VWA1: variants seen among roughly 807,000 people sequenced by gnomAD.
The protein encoded by VWA1 is von Willebrand factor A domain containing 1.
In VWA1, 12 loss-of-function variants were observed where a neutral mutation model predicts 14.9. The ratio of observed to expected loss-of-function variants is 0.80; its 90% confidence interval spans 0.52 to 1.30. VWA1 has a LOEUF of 1.30. Ranked by LOEUF, VWA1 falls within the 50% of genes most tolerant of loss-of-function variation. VWA1 has a pLI of 0.00. For missense variants in VWA1, 800 were observed against 649.1 expected, an observed-to-expected ratio of 1.23 and a Z score of -2.53; for synonymous variants, 368 against 310.7, an observed-to-expected ratio of 1.18 and a Z score of -1.94.
chr1:1,439,732 GCCCACGC>G lies in VWA1; in HGVS notation c.1287_1293del (p.Arg430CysfsTer107), dbSNP rs1306891647. ...TGCACGCCCGACGGCCCGCGCCCGCGCCCACGCCCCGTGCCCCGCGCCCCGACCCCGG... is the reference window on the plus strand; with the variant it reads ...TGCACGCCCGACGGCCCGCGCCCGCGCCCGTGCCCCGCGCCCCGACCCCGG... On this transcript the variant is annotated frameshift_variant, in exon 3 of 3. Transcript: ENST00000476993. LOFTEE classifies it low-confidence loss of function (END_TRUNC). 4 of 1,117,454 alleles carry G rather than the reference GCCCACGC, an allele frequency of 3.6e-6. No homozygotes were observed. Among genetic ancestry groups the G allele is most frequent in the African/African-American group, 3.4e-5 (2 of 58,688 alleles). 69.2% of individuals were successfully genotyped at this position (1,117,454 alleles called of 1,614,324 possible). A position where few individuals can be genotyped will look rare whatever the true frequency, so the allele number is the denominator to read the frequency against.
intron 2 of VWA1, 45 bp downstream of exon 2, chr1:1,437,529 G>C: frequency 6.4e-7 from 1 of 1,559,112 alleles, no homozygotes. Flanking sequence ...GCTGGGAGCC[G>C]CAGAAGGAGA....
chr1:1,440,775 T>A lies in VWA1; in HGVS notation c.*988T>A, dbSNP rs1638654278. 1 of 158,090 alleles carries A rather than the reference T, an allele frequency of 6.3e-6. No individual in the cohort carries two copies. Among genetic ancestry groups the A allele is most frequent in the African/African-American group, 2.4e-5 (1 of 41,450 alleles). The allele number at this position is 158,090 out of a possible 1,614,324, so 9.8% of individuals were successfully genotyped here. A position where few individuals can be genotyped will look rare whatever the true frequency, so the allele number is the denominator to read the frequency against. On this transcript the variant is annotated 3_prime_UTR_variant, in exon 3 of 3. Coordinates refer to ENST00000476993, the MANE Select transcript of VWA1 (RefSeq NM_022834.5). ...AATCAGATGTACACCGAGCCTGCAG[T>A]CTCGCTAGGATGCTTTACTCCTCCA...
chr1:1,437,322 G>A lies in VWA1; in HGVS notation c.469G>A (p.Glu157Lys), dbSNP rs766513431. 3.2e-5 allele frequency: 52 copies of A among 1,611,958 alleles called. No individual in the cohort carries two copies. Among genetic ancestry groups the A allele is most frequent in the Non-Finnish European group, 4.2e-5 (50 of 1,179,710 alleles). The change falls in exon 2 of 3, where the codon GAG becomes AAG. Residue 157 changes from glutamate to lysine, a missense_variant. Coordinates refer to ENST00000476993, the MANE Select transcript of VWA1 (RefSeq NM_022834.5). ...SSDPVGPPMQ[E>K]LKDLGVTVFI... ...CGACCCTGTGGGCCCCCCCATGCAGGAGCTCAAGGACCTGGGCGTCACCGT... is the reference window on the plus strand; with the variant it reads ...CGACCCTGTGGGCCCCCCCATGCAGAAGCTCAAGGACCTGGGCGTCACCGT...
Position 1,440,142 on chromosome 1 carries a change from G to A in VWA1, c.*355G>A, listed in dbSNP as rs1408943428. On this transcript the variant is annotated 3_prime_UTR_variant, in exon 3 of 3. Coordinates refer to ENST00000476993, the MANE Select transcript of VWA1 (RefSeq NM_022834.5). ...GTGAAGACCGGGCCCCAAGTGGCAAGGGCTGGCCTGGGGCGGGCAGCTTGG... is the reference window on the plus strand; with the variant it reads ...GTGAAGACCGGGCCCCAAGTGGCAAAGGCTGGCCTGGGGCGGGCAGCTTGG... 1 of 168,812 alleles carries A rather than the reference G, an allele frequency of 5.9e-6. No homozygotes were observed. Among genetic ancestry groups the A allele is most frequent in the African/African-American group, 2.4e-5 (1 of 41,520 alleles). 10.5% of individuals were successfully genotyped at this position (168,812 alleles called of 1,614,324 possible).
chr1:1,437,624 G>C (rs563950652), intron 2 of VWA1, 140 bp downstream of exon 2: 3 of 1,050,118 alleles, frequency 2.9e-6, no homozygotes, highest in African/African-American at 1.6e-5. Flanking sequence ...AGGGTGCAGG[G>C]CTGAGTGATG....
At position 1,439,062 on chromosome 1, in the gene VWA1, C is replaced by A; in HGVS notation, c.632-19C>A. On this transcript the variant is annotated intron_variant, in intron 2 of 2. Coordinates refer to ENST00000476993, the MANE Select transcript of VWA1 (RefSeq NM_022834.5). ...GGAGGAACTGACCGCTGTTCCCTGACCCCCTGCACCACCCACAGACGCGAT... is the reference window on the plus strand; with the variant it reads ...GGAGGAACTGACCGCTGTTCCCTGAACCCCTGCACCACCCACAGACGCGAT... 6.3e-7 allele frequency: 1 copy of A among 1,594,268 alleles called. No homozygotes were observed. The highest frequency in any genetic ancestry group is 8.5e-7 in the Non-Finnish European group (1 of 1,177,798).
At position 1,439,765 on chromosome 1, in the gene VWA1, G is replaced by C. The variant is rs1638624587; in HGVS notation, c.1316G>C (p.Gly439Ala). ...CCCGTGCCCCGCGCCCCGACCCCGG[G>C]GACCGCCAGCCGTGAGCCGTAAGCC... ...PRPVPRAPTP[G>A]TASREP The change falls in exon 3 of 3, where the codon GGG becomes GCG. Residue 439 changes from glycine (G) to alanine (A), a missense_variant. Gly to Ala is a moderately conservative substitution (Grantham distance 60, BLOSUM62 0). Transcript: ENST00000476993. 1.8e-6 allele frequency: 2 copies of C among 1,085,348 alleles called. No homozygotes were observed. Among genetic ancestry groups the C allele is most frequent in the East Asian group, 6.1e-5 (1 of 16,264 alleles). The allele number at this position is 1,085,348 out of a possible 1,614,324, so 67.2% of individuals were successfully genotyped here.
Position 1,435,715 on chromosome 1 carries a change from C to A in VWA1, c.-34C>A. ...AGCCCCGAGCGAGCGAGCGAGCGAG[C>A]GAGTTGCCGAGCGCGCCCCGTCCCT... is the stretch of plus-strand genomic sequence containing the variant. On this transcript the variant is annotated 5_prime_UTR_variant, in exon 1 of 3. Transcript: ENST00000476993. 8.4e-7 allele frequency: 1 copy of A among 1,184,172 alleles called. No individual in the cohort carries two copies. 73.4% of individuals were successfully genotyped at this position (1,184,172 alleles called of 1,614,324 possible).
At position 1,435,753 on chromosome 1, in the gene VWA1, T is replaced by A; in HGVS notation, c.5T>A (p.Leu2His). 1 of 1,205,554 alleles carries A rather than the reference T, an allele frequency of 8.3e-7. No individual in the cohort carries two copies. Among genetic ancestry groups the A allele is most frequent in the Non-Finnish European group, 1.0e-6 (1 of 966,828 alleles). 74.7% of individuals were successfully genotyped at this position (1,205,554 alleles called of 1,614,324 possible). Residue 2 changes from leucine to histidine, a missense_variant, in exon 1 of 3, where the codon CTC becomes CAC. By Grantham distance (99) the Leu-to-His change is moderately conservative. Transcript: ENST00000476993. The stretch of plus-strand genomic sequence containing the variant: ...GCGCCCCGTCCCTCGCGCGCGATGC[T>A]CCCCTGGACGGCGCTCGGCCTGGCC... M[L>H]PWTALGLALS... is the part of the protein sequence containing the mutation.
intron 1 of VWA1, 65 bp downstream of exon 1, chr1:1,435,886 C>G: frequency 2.1e-6 from 2 of 958,578 alleles, no homozygotes; most frequent in Non-Finnish European, 2.5e-6. Flanking sequence ...CCGCTGCCCG[C>G]GCAAGGCCGT....
rs538336094 is a variant in VWA1 at position 1,441,066 on chromosome 1, C to A, written c.*1279C>A. The A allele has an allele frequency of 6.6e-6, 1 of 152,184 alleles. No homozygotes were observed. The highest frequency in any genetic ancestry group is 6.5e-5 in the Admixed American group (1 of 15,284). The allele number at this position is 152,184 out of a possible 1,614,324, so 9.4% of individuals were successfully genotyped here. ...CCGGAGCCCTGGGCCCAGGGCCACG[C>A]GGGCTCCCTCTGCTGGCAAAGCCAC... is the stretch of plus-strand genomic sequence containing the variant. On this transcript the variant is annotated 3_prime_UTR_variant, in exon 3 of 3. Transcript: ENST00000476993.
At chr1:1,435,867 C>A in intron 1 of VWA1, 46 bp downstream of exon 1, 1 of 1,047,548 alleles carries the variant, frequency 9.5e-7, no homozygotes, top group South Asian at 4.3e-5. Context: ...TTCTGGTGAC[C>A]GCTCTGCGCC....
chr1:1,439,917 AC>A lies in VWA1; in HGVS notation c.*134del. Reference sequence around the variant, plus strand: ...CCTTTCCCCACGCGGACTCCGCGCGACCCCGGCCCTCTCCCTGCGGCCGCAG... The same window carrying A: ...CCTTTCCCCACGCGGACTCCGCGCGACCCGGCCCTCTCCCTGCGGCCGCAG... On this transcript the variant is annotated 3_prime_UTR_variant, in exon 3 of 3. Coordinates refer to ENST00000476993, the MANE Select transcript of VWA1 (RefSeq NM_022834.5). 1.0e-6 allele frequency: 1 copy of A among 991,448 alleles called. No individual in the cohort carries two copies. Among genetic ancestry groups the A allele is most frequent in the Non-Finnish European group, 1.2e-6 (1 of 825,524 alleles). 61.4% of individuals were successfully genotyped at this position (991,448 alleles called of 1,614,324 possible). A position where few individuals can be genotyped will look rare whatever the true frequency, so the allele number is the denominator to read the frequency against.
Position 1,439,953 on chromosome 1 carries a change from G to A in VWA1, c.*166G>A, listed in dbSNP as rs1254735752. ...CTCCCTGCGGCCGCAGGGCTTCCCCGCCTGGCGCCTGCCCTCCAGGGCTGG... is the reference window on the plus strand; with the variant it reads ...CTCCCTGCGGCCGCAGGGCTTCCCCACCTGGCGCCTGCCCTCCAGGGCTGG... On this transcript the variant is annotated 3_prime_UTR_variant, in exon 3 of 3. Transcript: ENST00000476993. The A allele has an allele frequency of 1.2e-6, 1 of 832,914 alleles. No individual in the cohort carries two copies. Among genetic ancestry groups the A allele is most frequent in the Non-Finnish European group, 1.5e-6 (1 of 678,984 alleles). The allele number at this position is 832,914 out of a possible 1,614,324, so 51.6% of individuals were successfully genotyped here. A position where few individuals can be genotyped will look rare whatever the true frequency, so the allele number is the denominator to read the frequency against.
Position 1,437,375 on chromosome 1 carries a change from C to G in VWA1, c.522C>G (p.Asn174Lys), listed in dbSNP as rs146082867. ...TCATTGTCAGCACCGGCCGAGGCAA[C>G]TTCCTGGAGCTGTCAGCCGCTGCCT... Reference protein sequence around the residue: ...TVFIVSTGRGNFLELSAAASA... With the variant: ...TVFIVSTGRGKFLELSAAASA... Residue 174 changes from asparagine (N) to lysine (K), a missense_variant, in exon 2 of 3, where the codon AAC becomes AAG. Asn to Lys is a moderately conservative substitution (Grantham distance 94). Transcript: ENST00000476993. 1 of 1,612,834 alleles carries G rather than the reference C, an allele frequency of 6.2e-7. No homozygotes were observed. Among genetic ancestry groups the G allele is most frequent in the Non-Finnish European group, 8.5e-7 (1 of 1,179,990 alleles).
chr1:1,439,360 G>T lies in VWA1; in HGVS notation c.911G>T (p.Gly304Val), dbSNP rs771589433. 1.3e-6 allele frequency: 2 copies of T among 1,541,232 alleles called. No individual in the cohort carries two copies. Among genetic ancestry groups the T allele is most frequent in the African/African-American group, 2.8e-5 (2 of 72,662 alleles). Residue 304 changes from glycine to valine, a missense_variant, in exon 3 of 3, where the codon GGT becomes GTT. Transcript: ENST00000476993. ...PQILRVRTRP[G>V]EAGPGASGPE... ...ATCCTGCGGGTGCGCACGCGGCCCG[G>T]TGAGGCAGGGCCGGGGGCTTCGGGC...
chr1:1,435,770 G>C lies in VWA1; in HGVS notation c.22G>C (p.Gly8Arg). 14 of 1,217,238 alleles carry C rather than the reference G, an allele frequency of 1.2e-5. No individual in the cohort carries two copies. The highest frequency in any genetic ancestry group is 1.4e-5 in the Non-Finnish European group (14 of 973,484). 75.4% of individuals were successfully genotyped at this position (1,217,238 alleles called of 1,614,324 possible). Residue 8 changes from glycine to arginine, a missense_variant, in exon 1 of 3, where the codon GGC (glycine) becomes CGC (arginine). Gly to Arg is a moderately radical substitution (Grantham distance 125). Coordinates refer to ENST00000476993, the MANE Select transcript of VWA1 (RefSeq NM_022834.5). MLPWTALGLALSLRLALA... is the reference protein window; with the variant it reads MLPWTALRLALSLRLALA... ...CGCGATGCTCCCCTGGACGGCGCTC[G>C]GCCTGGCCCTGAGCTTGCGGCTGGC...
In VWA1 at chr1:1,435,753, TC is replaced by T; in HGVS notation, c.9del (p.Trp4GlyfsTer8). 1.7e-6 allele frequency: 2 copies of T among 1,205,536 alleles called. No homozygotes were observed. Among genetic ancestry groups the T allele is most frequent in the Non-Finnish European group, 1.0e-6 (1 of 966,822 alleles). 74.7% of individuals were successfully genotyped at this position (1,205,536 alleles called of 1,614,324 possible). On this transcript the variant is annotated frameshift_variant, in exon 1 of 3. Transcript: ENST00000476993. LOFTEE classifies it high-confidence loss of function. M[L>X]PWTALGLALS... is the part of the protein sequence containing the mutation. ...GCGCCCCGTCCCTCGCGCGCGATGC[TC>T]CCCTGGACGGCGCTCGGCCTGGCCC...
At position 1,440,010 on chromosome 1, in the gene VWA1, C is replaced by T. The variant is rs560353112; in HGVS notation, c.*223C>T. On this transcript the variant is annotated 3_prime_UTR_variant, in exon 3 of 3. Transcript: ENST00000476993. ...GCCTGGCGGGACCCCGCAGCAGCCC[C>T]GGCCCCATCCCCGCCCAGAGCCGGG... 937 of 344,294 alleles carry T rather than the reference C, an allele frequency of 2.7e-3. 8 individuals carry two copies. Among genetic ancestry groups the T allele is most frequent in the African/African-American group, 0.02 (874 of 44,494 alleles). The allele number at this position is 344,294 out of a possible 1,614,324, so 21.3% of individuals were successfully genotyped here. A position where few individuals can be genotyped will look rare whatever the true frequency, so the allele number is the denominator to read the frequency against.
Sources: gnomAD v4.1 joint callset for allele counts on GRCh38, gnomAD v4.1.1 for gene constraint, MANE v1.5 for transcripts, NCBI Gene and HGNC (gene_info 2026-07-23, HGNC 2026-07-21) for gene names.